The following SLC12A7 variants were observed in gnomAD, a reference collection of about 807,000 sequenced individuals.
SLC12A7 encodes K-Cl cotransporter 4.
In SLC12A7, 100 loss-of-function variants were observed where a neutral mutation model predicts 120.6. The ratio of observed to expected loss-of-function variants is 0.83; its 90% CI spans 0.71 to 0.98. The LOEUF (loss-of-function observed/expected upper bound fraction) is 0.98. Among genes scored for constraint, SLC12A7 ranks in the 50% least tolerant of loss-of-function variants. The pLI is 0.00. For synonymous variants in SLC12A7, 760 were observed against 678.0 expected, an observed-to-expected ratio of 1.12 and a Z score of -1.88; for missense variants, 1,373 against 1,548.1, an observed-to-expected ratio of 0.89 and a Z score of 1.90.
At chr5:1,052,692 C>T (rs1444208488) in intron 23 of SLC12A7, among the ~76,000 whole-genome samples, 1 of 152,168 alleles carries the variant, frequency 6.6e-6, no homozygotes, top group Non-Finnish European at 1.5e-5. Flanking sequence ...GGAGGACGAG[C>T]AGAGACAGCG....
the SLC12A7 span, among the ~76,000 whole-genome samples, chr5:1,118,532 A>T: frequency 6.6e-6 from 1 of 152,212 alleles, no homozygotes; most frequent in Non-Finnish European, 1.5e-5. Flanking sequence ...CTCGCCAGAC[A>T]CAGATGAGCT....
intron 22 of SLC12A7, among the ~76,000 whole-genome samples, chr5:1,055,136 GCACA>G (rs892225386): frequency 2.0e-5 from 3 of 152,060 alleles, no homozygotes; most frequent in African/African-American, 7.2e-5. Context: ...ATGTGTATAC[GCACA>G]CACACATACA....
At chr5:1,102,708 C>T (rs1240298193) in intron 1 of SLC12A7, among the ~76,000 whole-genome samples, 2 of 152,162 alleles carry the variant, frequency 1.3e-5, no homozygotes, top group Non-Finnish European at 2.9e-5. Context: ...TCCCTGCACT[C>T]GAGGAGGTTC....
At chr5:1,117,060 T>G (rs927848330), upstream of SLC12A7, among the ~76,000 whole-genome samples, 4 of 152,106 alleles carry the variant, frequency 2.6e-5, no homozygotes, top group East Asian at 1.9e-4. This position sits in a 1 kb window ranked among gnomAD's most constrained non-coding sequence, Gnocchi z 4.5. Flanking sequence ...AGCAACACCA[T>G]GAGATCAGGG....
chr5:1,109,171 C>A (rs534069594), intron 1 of SLC12A7, among the ~76,000 whole-genome samples: 1 of 152,280 alleles, frequency 6.6e-6, no homozygotes, highest in East Asian at 1.9e-4. Flanking sequence ...GCACGCTGCA[C>A]CTTCCAGACA....
At chr5:1,105,826 A>G (rs913188829) in intron 1 of SLC12A7, among the ~76,000 whole-genome samples, 4 of 152,126 alleles carry the variant, frequency 2.6e-5, no homozygotes, top group African/African-American at 9.7e-5. Flanking sequence ...AGACACCCCC[A>G]GCCCAGCCCA....
rs180824499 is a variant in SLC12A7 at position 1,111,167 on chromosome 5, C to G, written c.124+701G>C. On this transcript the variant is annotated intron_variant, in intron 1 of 23. Transcript: ENST00000264930. ...CCGGTTTCTAGAGGGGGCTGAGATC[C>G]GGGGAGTAACTGGGATTTGGAGCCA... is the stretch of plus-strand genomic sequence containing the variant. Among the ~76,000 whole-genome samples, 110 of 152,146 alleles carry G rather than the reference C, an allele frequency of 7.2e-4. No individual in the cohort carries two copies. The East Asian group carries it at 0.018, about 25-fold the overall frequency.
the SLC12A7 span, among the ~76,000 whole-genome samples, chr5:1,131,391 G>A: frequency 2.6e-5 from 4 of 152,236 alleles, no homozygotes; most frequent in African/African-American, 4.8e-5. Context: ...GGAGGGAGCC[G>A]GTATTGGTGC....
rs1440508349 is a variant in SLC12A7, at chr5:1,073,775, A to G, written c.2099T>C (p.Leu700Pro). Residue 700 changes from leucine to proline, a missense_variant, in exon 17 of 24, where the codon CTG becomes CCG. Coordinates refer to ENST00000264930, the MANE Select transcript of SLC12A7 (RefSeq NM_006598.3). Reference protein sequence around the residue: ...WRPQVLVMLNLDAEQAVKHPR... With the variant: ...WRPQVLVMLNPDAEQAVKHPR... The stretch of plus-strand genomic sequence containing the variant: ...GTGCTTCACGGCCTGCTCCGCGTCC[A>G]GGTTCAGCATCACCAGCACCTGGGG... 11 of 1,462,610 alleles carry G rather than the reference A, an allele frequency of 7.5e-6. No homozygotes were observed. The highest frequency in any genetic ancestry group is 8.2e-6 in the Non-Finnish European group (9 of 1,102,912). 90.6% of individuals were successfully genotyped at this position (1,462,610 alleles called of 1,614,324 possible). A position where few individuals can be genotyped will look rare whatever the true frequency, so the allele number is the denominator to read the frequency against.
At chr5:1,151,430 G>T in the SLC12A7 span, among the ~76,000 whole-genome samples, 4 of 152,118 alleles carry the variant, frequency 2.6e-5, no homozygotes, top group Non-Finnish European at 5.9e-5. The surrounding 1 kb of genome is among the most constrained non-coding windows in gnomAD (Gnocchi z 6.2). Context: ...ACTAGGGGAG[G>T]GTTCCTTTGG....
the SLC12A7 span, among the ~76,000 whole-genome samples, chr5:1,141,097 G>A: frequency 2.0e-5 from 3 of 152,216 alleles, no homozygotes; most frequent in African/African-American, 7.2e-5. Flanking sequence ...GAAGTCCCAG[G>A]TCAGTGTGTG....
At chr5:1,136,722 C>G in the SLC12A7 span, among the ~76,000 whole-genome samples, 1 of 143,642 alleles carries the variant, frequency 7.0e-6, no homozygotes, top group South Asian at 2.4e-4. Flanking sequence ...GACACGCAGG[C>G]ACACGTGTGC....
At chr5:1,129,874 G>A in the SLC12A7 span, among the ~76,000 whole-genome samples, 6 of 152,178 alleles carry the variant, frequency 3.9e-5, no homozygotes, top group African/African-American at 1.4e-4. Flanking sequence ...TGCCGTCAGA[G>A]CTGGAAACTG....
intron 13 of SLC12A7, among the ~76,000 whole-genome samples, chr5:1,076,450 C>T (rs1479652906): frequency 1.5e-5 from 1 of 68,806 alleles, no homozygotes; most frequent in Non-Finnish European, 3.1e-5. Context: ...AAGAGATGGG[C>T]CATCGTCCCT....
intron 3 of SLC12A7, among the ~76,000 whole-genome samples, chr5:1,091,339 T>C (rs1410830168): frequency 6.6e-6 from 1 of 152,300 alleles, no homozygotes. Context: ...GGGCACCTCA[T>C]GGCAGGCTGG....
At chr5:1,132,704 C>T in the SLC12A7 span, among the ~76,000 whole-genome samples, 62 of 152,264 alleles carry the variant, frequency 4.1e-4, no homozygotes, top group African/African-American at 1.4e-3. Context: ...ATCTCCTTGG[C>T]GTGCTCCGGC....
intron 1 of SLC12A7, among the ~76,000 whole-genome samples, chr5:1,103,156 G>A (rs906677309): frequency 3.3e-5 from 5 of 152,204 alleles, no homozygotes; most frequent in East Asian, 3.9e-4. Flanking sequence ...GCTGGGACAC[G>A]GGGGGCTTCA....
intron 23 of SLC12A7, 77 bp from the exon 24 acceptor site, chr5:1,052,528 T>A: frequency 1.7e-6 from 2 of 1,201,648 alleles, no homozygotes; most frequent in Non-Finnish European, 2.5e-6. Context: ...GAGTGAGGTT[T>A]ATCCTCTCCT....
chr5:1,055,183 T>C (rs913058162), intron 22 of SLC12A7, among the ~76,000 whole-genome samples: 7 of 152,142 alleles, frequency 4.6e-5, no homozygotes, highest in African/African-American at 1.2e-4. Flanking sequence ...CACACAGGCA[T>C]AGTCACACTA....
Sources: allele counts gnomAD v4.1 joint callset (sites outside exome capture counted in the v4.1 genomes callset), GRCh38; gene constraint gnomAD v4.1.1; non-coding constraint Gnocchi (gnomAD v3.1); transcripts MANE v1.5; gene names NCBI Gene and HGNC (gene_info 2026-07-23, HGNC 2026-07-21).